PKP4: variants seen among roughly 807,000 people sequenced by gnomAD.
PKP4 encodes the protein plakophilin 4.
A neutral mutation model predicts 145.1 loss-of-function variants in PKP4; 90 were observed. The observed-to-expected ratio is 0.62, with a 90% CI of 0.52 to 0.74. The LOEUF (loss-of-function observed/expected upper bound fraction) is 0.74, where lower values mean the gene tolerates loss of function less well. Among genes scored for constraint, PKP4 ranks in the 30% least tolerant of loss-of-function variants. PKP4 has a pLI of 0.00. For missense variants in PKP4, 1,340 were observed against 1,482.7 expected (o/e 0.90, Z 1.58); for synonymous variants, 563 against 577.2 (o/e 0.98, Z 0.35).
At chr2:158,644,293 A>G (rs1297603346) in intron 11 of PKP4, among the ~76,000 whole-genome samples, 1 of 152,212 alleles carries the variant, frequency 6.6e-6, no homozygotes, top group Admixed American at 6.5e-5. Flanking sequence ...TGGAGCAGTC[A>G]GAGAAATATT....
chr2:158,530,697 G>A (rs77437177), intron 1 of PKP4, among the ~76,000 whole-genome samples: 4,168 of 151,934 alleles, frequency 0.027, 204 homozygotes, highest in African/African-American at 0.095. Context: ...CCCCATGTTG[G>A]TTGTGGCATA....
chr2:158,545,086 T>TTTG (rs2044872272), intron 2 of PKP4, among the ~76,000 whole-genome samples: 1 of 142,992 alleles, frequency 7.0e-6, no homozygotes, highest in Non-Finnish European at 1.5e-5. Flanking sequence ...TTTTTTTTTT[T>TTTG]TTTTTTTTTT....
At chr2:158,644,314 G>A (rs992119309) in intron 11 of PKP4, among the ~76,000 whole-genome samples, 9 of 152,154 alleles carry the variant, frequency 5.9e-5, no homozygotes, top group African/African-American at 9.7e-5. Flanking sequence ...TTGTGGTCTG[G>A]GCATGATGGT....
chr2:158,588,196 T>C (rs1574644353), intron 3 of PKP4: 1 of 152,198 alleles, frequency 6.6e-6, no homozygotes, highest in Non-Finnish European at 1.5e-5. Flanking sequence ...ATTTGGATCA[T>C]AATGAATGTA....
chr2:158,522,531 T>A (rs1218222787), intron 1 of PKP4, among the ~76,000 whole-genome samples: 2 of 152,140 alleles, frequency 1.3e-5, no homozygotes, highest in African/African-American at 4.8e-5. Context: ...TGCACAGCTG[T>A]CCATAGTGAA....
At chr2:158,604,766 G>C (rs1194366674) in intron 4 of PKP4, among the ~76,000 whole-genome samples, 1 of 152,166 alleles carries the variant, frequency 6.6e-6, no homozygotes, top group East Asian at 1.9e-4. Context: ...TTAGAAATGT[G>C]ATTACTAAAG....
In PKP4 at chr2:158,507,387, T is replaced by C. The variant is rs184800661; in HGVS notation, c.-5-25793T>C. ...ATGGCAGCTGTTAGTCGAAGGTAAA[T>C]TCAAAGCCAGATGGTTTAGATATCA... On this transcript the variant is annotated intron_variant, in intron 1 of 21. Transcript: ENST00000389759. 2.7e-3 allele frequency among the ~76,000 whole-genome samples: 407 copies of C among 152,324 alleles called. 1 individual carries two copies. Among genetic ancestry groups the C allele is most frequent in the African/African-American group, 9.6e-3 (397 of 41,558 alleles).
Position 158,642,693 on chromosome 2 carries a change from G to A in PKP4, c.1903G>A (p.Val635Ile), listed in dbSNP as rs777885346. 4 of 1,597,584 alleles carry A rather than the reference G, an allele frequency of 2.5e-6. No individual in the cohort carries two copies. The highest frequency in any genetic ancestry group is 2.2e-5 in the East Asian group (1 of 44,674). The change falls in exon 11 of 22, where the codon GTT (valine) becomes ATT (isoleucine). Residue 635 changes from valine to isoleucine, a missense_variant. By Grantham distance (29) the Val-to-Ile change is conservative. Transcript: ENST00000389759. Reference protein sequence around the residue: ...KSIDAEVRELVTGVLWNLSSC... With the variant: ...KSIDAEVRELITGVLWNLSSC... ...TATTGATGCAGAAGTAAGGGAGCTT[G>A]TTACAGGTAGGTATAGAATGTGATC...
intron 2 of PKP4, among the ~76,000 whole-genome samples, chr2:158,576,040 C>G (rs1449976113): frequency 6.6e-6 from 1 of 152,096 alleles, no homozygotes; most frequent in African/African-American, 2.4e-5. Flanking sequence ...CATCTAGGCC[C>G]TGTCCAATAC....
intron 3 of PKP4, among the ~76,000 whole-genome samples, chr2:158,590,314 T>TGA (rs1450991326): frequency 5.7e-4 from 36 of 62,616 alleles, no homozygotes; most frequent in Admixed American, 2.9e-4. Flanking sequence ...ATGTCTTGAG[T>TGA]GTGTGTGTGT....
rs184304139 is a variant in PKP4, at chr2:158,586,684, A to G, written c.245+9301A>G. 1.0e-3 allele frequency among the ~76,000 whole-genome samples: 155 copies of G among 152,332 alleles called. 1 individual carries two copies. Among genetic ancestry groups the G allele is most frequent in the African/African-American group, 3.6e-3 (151 of 41,576 alleles). On this transcript the variant is annotated intron_variant, in intron 3 of 21. Coordinates refer to ENST00000389759, the MANE Select transcript of PKP4 (RefSeq NM_003628.6). ...ACACAGTAAAGAGTTCCACATCTGAAAGATACCAAATGAGTCAAAGCTGAC... is the reference window on the plus strand; with the variant it reads ...ACACAGTAAAGAGTTCCACATCTGAGAGATACCAAATGAGTCAAAGCTGAC...
intron 1 of PKP4, among the ~76,000 whole-genome samples, chr2:158,460,009 T>A (rs1255917264): frequency 6.6e-6 from 1 of 152,164 alleles, no homozygotes; most frequent in Non-Finnish European, 1.5e-5. Context: ...CCTACTATTA[T>A]GTAAGGAGAG....
At chr2:158,521,555 T>A (rs950307804) in intron 1 of PKP4, among the ~76,000 whole-genome samples, 9 of 152,340 alleles carry the variant, frequency 5.9e-5, no homozygotes, top group African/African-American at 1.9e-4. Context: ...ATGAACCGCC[T>A]GATTAGAAGG....
intron 21 of PKP4, among the ~76,000 whole-genome samples, chr2:158,680,192 C>CT (rs1487553703): frequency 6.6e-6 from 1 of 152,164 alleles, no homozygotes; most frequent in Admixed American, 6.5e-5. Flanking sequence ...CTTGAGGCAC[C>CT]TGCTTCTCTA....
chr2:158,648,505 A>G (rs1474573213), intron 11 of PKP4, among the ~76,000 whole-genome samples: 2 of 152,226 alleles, frequency 1.3e-5, no homozygotes, highest in African/African-American at 4.8e-5. Flanking sequence ...GGATGAAAAC[A>G]GTTTACGAAG....
At chr2:158,596,636 A>G (rs1475337851) in intron 3 of PKP4, among the ~76,000 whole-genome samples, 1 of 151,856 alleles carries the variant, frequency 6.6e-6, no homozygotes, top group Non-Finnish European at 1.5e-5. Flanking sequence ...TTAAAAAAAA[A>G]AAAAGAAAAG....
At chr2:158,545,073 C>CTTTTT (rs386391605) in intron 2 of PKP4, among the ~76,000 whole-genome samples, 1,705 of 72,502 alleles carry the variant, frequency 0.024, 386 homozygotes, top group Admixed American at 0.064. Context: ...AAGTCTTTCA[C>CTTTTT]TTTTTTTTTT....
rs1415102872 is a variant in PKP4 at position 158,588,327 on chromosome 2, T to G, written c.245+10944T>G. ...TTCATTTTCTCTTGCTTGCTTGCTTTCTTTCCTTCTTTCTTTCTGCCAATA... is the reference window on the plus strand; with the variant it reads ...TTCATTTTCTCTTGCTTGCTTGCTTGCTTTCCTTCTTTCTTTCTGCCAATA... On this transcript the variant is annotated intron_variant, in intron 3 of 21. Transcript: ENST00000389759. 5.3e-5 allele frequency: 8 copies of G among 152,216 alleles called. No individual in the cohort carries two copies. The South Asian group carries it at 8.3e-4, about 16-fold the overall frequency. 9.4% of individuals were successfully genotyped at this position (152,216 alleles called of 1,614,324 possible).
chr2:158,465,553 T>C (rs894310002), intron 1 of PKP4, among the ~76,000 whole-genome samples: 3 of 152,208 alleles, frequency 2.0e-5, no homozygotes, highest in African/African-American at 7.2e-5. Flanking sequence ...AGTATTTTCG[T>C]TTATTGTGTT....
Sources: allele counts gnomAD v4.1 joint callset (sites outside exome capture counted in the v4.1 genomes callset), GRCh38; gene constraint gnomAD v4.1.1; transcripts MANE v1.5; gene names NCBI Gene and HGNC (gene_info 2026-07-23, HGNC 2026-07-21).